PARP11: variants seen among roughly 807,000 people sequenced by gnomAD.
PARP11 encodes protein mono-ADP-ribosyltransferase PARP11.
A neutral mutation model predicts 42.9 loss-of-function variants in PARP11; 31 were observed. That is an observed-to-expected ratio of 0.72 (90% CI 0.54 to 0.98). The LOEUF (loss-of-function observed/expected upper bound fraction) is 0.98, where lower values mean the gene tolerates loss of function less well. Ranked by LOEUF, PARP11 falls within the 50% of genes least tolerant of loss-of-function variation. The pLI is 0.00. For missense variants in PARP11, 365 were observed against 413.1 expected, an observed-to-expected ratio of 0.88 and a Z score of 1.01; for synonymous variants, 137 against 127.3, an observed-to-expected ratio of 1.08 and a Z score of -0.51.
chr12:3,835,682 A>T (rs1947747334), intron 1 of PARP11, among the ~76,000 whole-genome samples: 1 of 152,220 alleles, frequency 6.6e-6, no homozygotes, highest in Non-Finnish European at 1.5e-5. Context: ...AATAATATCA[A>T]TAAAGAGAGA....
Position 3,812,318 on chromosome 12 carries a change from A to C in PARP11, c.822T>G (p.Tyr274Ter). Reference protein sequence around the residue: ...SLQQRHLFRTYKSMFLARVLI... With the variant: ...SLQQRHLFRT ...GCACTCGAGCAAGAAACATAGATTT[A>C]TATGTTCTAAACAGATGCCGCTGTT... is the stretch of plus-strand genomic sequence containing the variant. The change falls in exon 8 of 8, where the codon TAT becomes TAG. Residue 274 changes from tyrosine (Y) to a stop codon, truncating the protein, a stop_gained. Transcript: ENST00000228820. LOFTEE classifies it high-confidence loss of function. 1 of 1,614,060 alleles carries C rather than the reference A, an allele frequency of 6.2e-7. No homozygotes were observed. Among genetic ancestry groups the C allele is most frequent in the Non-Finnish European group, 8.5e-7 (1 of 1,179,888 alleles).
Position 3,814,200 on chromosome 12 carries a change from A to G in PARP11, c.549-12T>C, listed in dbSNP as rs1383729817. 3 of 1,572,128 alleles carry G rather than the reference A, an allele frequency of 1.9e-6. No homozygotes were observed. In the African/African-American group the frequency reaches 4.0e-5, roughly 21 times the overall value. On this transcript the variant is annotated splice_polypyrimidine_tract_variant and intron_variant, in intron 6 of 7. Transcript: ENST00000228820. ...GCTGAGCCTTTTTCCTAAAAACACAATATACACAGACACAAAAGCACACAG... is the reference window on the plus strand; with the variant it reads ...GCTGAGCCTTTTTCCTAAAAACACAGTATACACAGACACAAAAGCACACAG...
chr12:3,809,844 G>A lies in PARP11; in HGVS notation c.*2279C>T, dbSNP rs1474506231. 1.3e-5 allele frequency: 2 copies of A among 152,118 alleles called. No homozygotes were observed. The highest frequency in any genetic ancestry group is 2.4e-5 in the African/African-American group (1 of 41,430). 9.4% of individuals were successfully genotyped at this position (152,118 alleles called of 1,614,324 possible). A position where few individuals can be genotyped will look rare whatever the true frequency, so the allele number is the denominator to read the frequency against. ...CCAATTATTTTCATGATAATCTCTA[G>A]ATGCTTTTTAAAGCGCTTTTTCTAA... On this transcript the variant is annotated 3_prime_UTR_variant, in exon 8 of 8. Transcript: ENST00000228820.
chr12:3,870,362 C>T (rs1948454128), intron 1 of PARP11, among the ~76,000 whole-genome samples: 1 of 152,102 alleles, frequency 6.6e-6, no homozygotes, highest in Non-Finnish European at 1.5e-5. Flanking sequence ...GGAGGATTCC[C>T]CACTTTTAAC....
Position 3,849,487 on chromosome 12 carries a change from T to C in PARP11, c.19-19469A>G, listed in dbSNP as rs536061174. On this transcript the variant is annotated intron_variant, in intron 1 of 7. Coordinates refer to ENST00000228820, the MANE Select transcript of PARP11 (RefSeq NM_020367.6). ...TATCGAGCTGTAAAAAAGAATGGAG[T>C]CATGACATTGGCAGCAACATGGATG... 3.3e-5 allele frequency among the ~76,000 whole-genome samples: 5 copies of C among 151,970 alleles called. No individual in the cohort carries two copies. In the Middle Eastern group the frequency reaches 0.01, roughly 310 times the overall value.
At chr12:3,842,499 TA>T (rs1947911352) in intron 1 of PARP11, 1 of 1,599,554 alleles carries the variant, frequency 6.3e-7, no homozygotes. Flanking sequence ...GAGATGGCCA[TA>T]GGGGACAGCA....
chr12:3,865,369 T>A (rs1320636939), intron 1 of PARP11, among the ~76,000 whole-genome samples: 1 of 152,144 alleles, frequency 6.6e-6, no homozygotes, highest in East Asian at 1.9e-4. Flanking sequence ...GCCAAGCAGA[T>A]CAAGTTAGTT....
intron 2 of PARP11, among the ~76,000 whole-genome samples, chr12:3,829,434 C>A (rs937303353): frequency 6.6e-6 from 1 of 152,168 alleles, no homozygotes; most frequent in Non-Finnish European, 1.5e-5. Context: ...AGCTGTGTGA[C>A]CCTTGACAAA....
In PARP11 at chr12:3,814,157, C is replaced by T; in HGVS notation, c.580G>A (p.Val194Met). The change falls in exon 7 of 8, where the codon GTG becomes ATG. Residue 194 changes from valine (V) to methionine (M), a missense_variant. Transcript: ENST00000228820. Reference sequence around the variant, plus strand: ...AGCATTTGTTCATTAATCTGAGGCACACCTCTTTTTTTCTTGAGCTGAGCC... The same window carrying T: ...AGCATTTGTTCATTAATCTGAGGCATACCTCTTTTTTTCTTGAGCTGAGCC... ...KKAQLKKKRGVPQINEQMLFH... is the reference protein window; with the variant it reads ...KKAQLKKKRGMPQINEQMLFH... The T allele has an allele frequency of 1.2e-6, 2 of 1,604,488 alleles. No homozygotes were observed. Among genetic ancestry groups the T allele is most frequent in the Admixed American group, 1.7e-5 (1 of 59,364 alleles).
chr12:3,824,167 A>G (rs1161599575), intron 4 of PARP11, among the ~76,000 whole-genome samples: 4 of 152,362 alleles, frequency 2.6e-5, no homozygotes, highest in East Asian at 1.9e-4. Context: ...TTTGAATTTT[A>G]GTCAATCTGG....
chr12:3,866,174 G>C (rs1444670917), intron 1 of PARP11, among the ~76,000 whole-genome samples: 1 of 152,030 alleles, frequency 6.6e-6, no homozygotes, highest in African/African-American at 2.4e-5. Context: ...TAAATCCTAT[G>C]CTCTTTTCAG....
intron 1 of PARP11, among the ~76,000 whole-genome samples, chr12:3,852,832 A>G (rs1325034241): frequency 3.3e-5 from 5 of 152,182 alleles, no homozygotes; most frequent in Non-Finnish European, 7.4e-5. Flanking sequence ...CATAATTGCC[A>G]GATTCACCAA....
chr12:3,838,739 C>G (rs1591778812), intron 1 of PARP11, among the ~76,000 whole-genome samples: 1 of 152,224 alleles, frequency 6.6e-6, no homozygotes, highest in East Asian at 1.9e-4. Context: ...AAGAGAAGAT[C>G]CAGGGGGAGC....
rs764323931 is a variant in PARP11 at position 3,812,100 on chromosome 12, A to C, written c.*23T>G. On this transcript the variant is annotated 3_prime_UTR_variant, in exon 8 of 8. Transcript: ENST00000228820. ...TGCAAAAAAGAATAAAGCTTCCTTGACCACCGAGATTTGGAAGTGAAATCA... is the reference window on the plus strand; with the variant it reads ...TGCAAAAAAGAATAAAGCTTCCTTGCCCACCGAGATTTGGAAGTGAAATCA... 1.8e-5 allele frequency: 28 copies of C among 1,553,860 alleles called. No homozygotes were observed. Among genetic ancestry groups the C allele is most frequent in the Middle Eastern group, 1.7e-4 (1 of 5,800 alleles).
chr12:3,854,586 G>A (rs565945219), intron 1 of PARP11, among the ~76,000 whole-genome samples: 8 of 152,260 alleles, frequency 5.3e-5, no homozygotes, highest in Middle Eastern at 6.8e-3. Context: ...ACTAAACCAG[G>A]AAGAGGTTGA....
intron 1 of PARP11, 118 bp downstream of exon 1, chr12:3,873,093 TC>T: frequency 1.0e-6 from 1 of 993,696 alleles, no homozygotes; most frequent in Non-Finnish European, 1.6e-6. Flanking sequence ...GGAACTCCGG[TC>T]CCGGAACTCA....
intron 1 of PARP11, among the ~76,000 whole-genome samples, chr12:3,865,840 T>C (rs1948380020): frequency 6.6e-6 from 1 of 151,970 alleles, no homozygotes. Context: ...CATTTACATG[T>C]AGTATGATTA....
At chr12:3,841,761 T>C (rs1947893447) in intron 1 of PARP11, 4 of 1,612,588 alleles carry the variant, frequency 2.5e-6, no homozygotes, top group East Asian at 4.5e-5. Flanking sequence ...ATGTTTGGCA[T>C]GGGTACCCTT....
intron 4 of PARP11, chr12:3,824,569 A>C (rs1947475818): frequency 1.2e-6 from 1 of 867,618 alleles, no homozygotes; most frequent in Admixed American, 6.2e-5. Flanking sequence ...TCAACACCCT[A>C]TTGTATCTTA....
Sources: gnomAD v4.1 joint callset for allele counts (sites outside exome capture counted in the v4.1 genomes callset) on GRCh38, gnomAD v4.1.1 for gene constraint, MANE v1.5 for transcripts, NCBI Gene and HGNC (gene_info 2026-07-23, HGNC 2026-07-21) for gene names.